Variants in MNAT1 observed in about 807,000 individuals in gnomAD.
The protein encoded by MNAT1 is CDK-activating kinase assembly factor MAT1.
A neutral mutation model predicts 42.0 loss-of-function variants in MNAT1; 43 were observed. That is an observed-to-expected ratio of 1.02 (90% CI 0.80 to 1.32). The LOEUF is 1.32. Among genes scored for constraint, MNAT1 ranks in the 40% most tolerant of loss-of-function variants. The pLI, the probability that MNAT1 is intolerant of heterozygous loss-of-function variation, is 0.00. For synonymous variants in MNAT1, 118 were observed against 120.0 expected (o/e 0.98, Z 0.11); for missense variants, 306 against 350.4 (o/e 0.87, Z 1.01).
intron 7 of MNAT1, among the ~76,000 whole-genome samples, chr14:60,894,277 GT>G (rs781579357): frequency 2.1e-3 from 302 of 144,194 alleles, no homozygotes; most frequent in African/African-American, 5.8e-3. Flanking sequence ...AGGCTTGGAT[GT>G]TTTTTTTTTT....
At chr14:60,941,779 C>T (rs909513627) in intron 7 of MNAT1, among the ~76,000 whole-genome samples, 4 of 150,042 alleles carry the variant, frequency 2.7e-5, no homozygotes, top group Non-Finnish European at 4.4e-5. Flanking sequence ...CTGAGGCGGG[C>T]GGATCATGAG....
At chr14:60,828,627 A>G (rs2033127302) in intron 6 of MNAT1, among the ~76,000 whole-genome samples, 2 of 152,102 alleles carry the variant, frequency 1.3e-5, no homozygotes, top group Non-Finnish European at 2.9e-5. Context: ...GTTTAACCCA[A>G]TTCTGACACT....
At chr14:60,902,283 A>G (rs1035170917) in intron 7 of MNAT1, among the ~76,000 whole-genome samples, 3 of 152,190 alleles carry the variant, frequency 2.0e-5, no homozygotes, top group African/African-American at 7.2e-5. Context: ...TATATATAAT[A>G]TAATCACAGC....
chr14:60,806,003 T>C (rs190421778), intron 3 of MNAT1, among the ~76,000 whole-genome samples: 1 of 152,322 alleles, frequency 6.6e-6, no homozygotes, highest in Non-Finnish European at 1.5e-5. Context: ...CAGCAAGGAA[T>C]GAGAGTCCCT....
At chr14:60,777,039 A>G (rs1406250060) in intron 1 of MNAT1, among the ~76,000 whole-genome samples, 1 of 151,948 alleles carries the variant, frequency 6.6e-6, no homozygotes, top group Non-Finnish European at 1.5e-5. Context: ...TAGTAGAGAC[A>G]AGGTTTCGCC....
intron 6 of MNAT1, among the ~76,000 whole-genome samples, chr14:60,835,035 C>T (rs895945368): frequency 8.0e-6 from 1 of 124,470 alleles, no homozygotes; most frequent in African/African-American, 2.9e-5. Context: ...TTCGTTCATT[C>T]GTTCAAAGTC....
intron 6 of MNAT1, among the ~76,000 whole-genome samples, chr14:60,822,687 G>A (rs2032930285): frequency 6.6e-6 from 1 of 151,638 alleles, no homozygotes; most frequent in Non-Finnish European, 1.5e-5. Context: ...AGCAATCTTG[G>A]AACGCCTCAG....
chr14:60,800,027 G>C (rs2032152620), intron 3 of MNAT1, among the ~76,000 whole-genome samples: 1 of 152,040 alleles, frequency 6.6e-6, no homozygotes, highest in Non-Finnish European at 1.5e-5. Context: ...TCATTCCCCA[G>C]TTCTTCCATA....
intron 7 of MNAT1, among the ~76,000 whole-genome samples, chr14:60,893,546 T>C (rs2034888770): frequency 6.6e-6 from 1 of 152,192 alleles, no homozygotes; most frequent in Admixed American, 6.6e-5. Flanking sequence ...CACAGAAATA[T>C]TTACATGCCT....
intron 1 of MNAT1, among the ~76,000 whole-genome samples, chr14:60,788,613 C>T: frequency 6.6e-6 from 1 of 152,196 alleles, no homozygotes; most frequent in East Asian, 1.9e-4. Flanking sequence ...TAGCCACCTT[C>T]ATCATTATCT....
At chr14:60,883,199 G>A (rs1217797165) in intron 7 of MNAT1, among the ~76,000 whole-genome samples, 1 of 152,006 alleles carries the variant, frequency 6.6e-6, no homozygotes, top group African/African-American at 2.4e-5. Flanking sequence ...ATTTTAGTAG[G>A]TTAAATAGTT....
intron 7 of MNAT1, among the ~76,000 whole-genome samples, chr14:60,925,110 A>G (rs888384613): frequency 1.9e-4 from 29 of 152,246 alleles, no homozygotes; most frequent in African/African-American, 7.0e-4. Context: ...TTGGGCCTAC[A>G]TTGAATGTGT....
chr14:60,893,503 GA>G (rs2034887865), intron 7 of MNAT1, among the ~76,000 whole-genome samples: 1 of 152,126 alleles, frequency 6.6e-6, no homozygotes, highest in African/African-American at 2.4e-5. Context: ...CTGTATGACA[GA>G]ATAGTAGATT....
At chr14:60,901,128 G>A (rs532755681) in intron 7 of MNAT1, among the ~76,000 whole-genome samples, 14 of 149,886 alleles carry the variant, frequency 9.3e-5, no homozygotes, top group East Asian at 7.9e-4. Flanking sequence ...AATTGAAGCC[G>A]ATATTTATTT....
At chr14:60,803,224 C>T (rs192971038) in intron 3 of MNAT1, among the ~76,000 whole-genome samples, 12 of 152,198 alleles carry the variant, frequency 7.9e-5, no homozygotes, top group Admixed American at 7.2e-4. Flanking sequence ...CGTGAGCCAC[C>T]GCACCCAGCG....
intron 3 of MNAT1, among the ~76,000 whole-genome samples, chr14:60,803,005 T>C (rs1016363001): frequency 6.6e-6 from 1 of 150,820 alleles, no homozygotes; most frequent in Non-Finnish European, 1.5e-5. Context: ...CGATCTCGGC[T>C]CACTGCATCC....
At chr14:60,967,039 C>T (rs932543605) in intron 7 of MNAT1, among the ~76,000 whole-genome samples, 2 of 152,188 alleles carry the variant, frequency 1.3e-5, no homozygotes. Context: ...TTTCCCCTTT[C>T]GCCCTTGGCA....
intron 1 of MNAT1, 133 bp downstream of exon 1, chr14:60,735,084 G>T (rs1219845579): frequency 5.8e-6 from 5 of 858,070 alleles, no homozygotes; most frequent in Middle Eastern, 2.9e-4. Context: ...AATGGGAAAA[G>T]AAGGCGTTGT....
intron 7 of MNAT1, among the ~76,000 whole-genome samples, chr14:60,928,936 C>T (rs2035821342): frequency 6.6e-6 from 1 of 150,850 alleles, no homozygotes; most frequent in African/African-American, 2.4e-5. Flanking sequence ...ATTACGAGGT[C>T]AGGAGATCAA....
Sources: gnomAD v4.1 joint callset for allele counts (sites outside exome capture counted in the v4.1 genomes callset) on GRCh38, gnomAD v4.1.1 for gene constraint, MANE v1.5 for transcripts, NCBI Gene and HGNC (gene_info 2026-07-23, HGNC 2026-07-21) for gene names.